Variants in MPDZ observed in about 807,000 individuals in gnomAD.
MPDZ encodes the protein multiple PDZ domain protein.
Under a neutral mutation model 239.1 loss-of-function variants are expected in MPDZ, and 234 were observed. That is an observed-to-expected ratio of 0.98 (90% CI 0.88 to 1.09). The LOEUF (loss-of-function observed/expected upper bound fraction) is 1.09, where lower values mean the gene tolerates loss of function less well. MPDZ is among the 50% of genes least tolerant of loss of function. MPDZ has a pLI of 0.00. For missense variants in MPDZ, 3,175 were observed against 2,510.0 expected, an observed-to-expected ratio of 1.26 and a Z score of -5.66; for synonymous variants, 1,048 against 881.3, an observed-to-expected ratio of 1.19 and a Z score of -3.35.
chr9:13,217,120 A>G, intron 9 of MPDZ, 60 bp downstream of exon 9: 2 of 1,135,204 alleles, frequency 1.8e-6, no homozygotes, highest in Non-Finnish European at 2.5e-6. Flanking sequence ...AATATTTTAT[A>G]AGAGATAGAT....
chr9:13,223,197 G>T (rs752712710), intron 5 of MPDZ, among the ~76,000 whole-genome samples: 1 of 151,648 alleles, frequency 6.6e-6, no homozygotes, highest in Non-Finnish European at 1.5e-5. Flanking sequence ...GGATACTGAG[G>T]GGCAACTATA....
chr9:13,109,165 G>C, intron 45 of MPDZ, 106 bp from the exon 46 acceptor site: 1 of 941,926 alleles, frequency 1.1e-6, no homozygotes. Flanking sequence ...AATTCTCTTT[G>C]TTACTGACAA....
At chr9:13,254,263 C>A (rs1170124635) in intron 1 of MPDZ, among the ~76,000 whole-genome samples, 1 of 152,126 alleles carries the variant, frequency 6.6e-6, no homozygotes, top group African/African-American at 2.4e-5. Flanking sequence ...GTCGGTCTAT[C>A]AAAGAAAGAT....
intron 23 of MPDZ, 125 bp from the exon 24 acceptor site, chr9:13,158,235 T>A: frequency 1.5e-6 from 1 of 675,838 alleles, no homozygotes; most frequent in Non-Finnish European, 2.5e-6. Flanking sequence ...TACATGGCCA[T>A]AAGTATAAAA....
chr9:13,246,152 C>T (rs189158837), intron 3 of MPDZ, among the ~76,000 whole-genome samples: 47 of 152,236 alleles, frequency 3.1e-4, no homozygotes, highest in African/African-American at 1.1e-3. Flanking sequence ...AAAACCAGTA[C>T]TGAAAATCAA....
intron 1 of MPDZ, among the ~76,000 whole-genome samples, chr9:13,259,813 C>G (rs1175074992): frequency 6.6e-6 from 1 of 152,072 alleles, no homozygotes; most frequent in Admixed American, 6.6e-5. Flanking sequence ...GTCCTCCATA[C>G]TACTCTTAAA....
At chr9:13,204,882 G>A (rs987734935) in intron 12 of MPDZ, among the ~76,000 whole-genome samples, 154 bp downstream of exon 12, 2 of 152,060 alleles carry the variant, frequency 1.3e-5, no homozygotes, top group Admixed American at 1.3e-4. Flanking sequence ...AGACCACTTA[G>A]TCACATTTAT....
intron 1 of MPDZ, among the ~76,000 whole-genome samples, chr9:13,268,934 T>C (rs1413008363): frequency 6.6e-6 from 1 of 152,036 alleles, no homozygotes; most frequent in Non-Finnish European, 1.5e-5. Context: ...TATTTTCTGA[T>C]AAAACAATTC....
chr9:13,271,143 T>C (rs916678658), intron 1 of MPDZ, among the ~76,000 whole-genome samples: 1 of 152,218 alleles, frequency 6.6e-6, no homozygotes, highest in African/African-American at 2.4e-5. Context: ...TTTAAATCTT[T>C]TTTACAATTA....
chr9:13,157,044 T>TC (rs1949914561), intron 24 of MPDZ, among the ~76,000 whole-genome samples: 1 of 151,916 alleles, frequency 6.6e-6, no homozygotes, highest in African/African-American at 2.4e-5. Context: ...AATAGTGTTT[T>TC]TTATATTTTA....
At chr9:13,257,946 C>T (rs940507047) in intron 1 of MPDZ, among the ~76,000 whole-genome samples, 1 of 152,092 alleles carries the variant, frequency 6.6e-6, no homozygotes, top group African/African-American at 2.4e-5. Flanking sequence ...TTAGAAATAA[C>T]AACATATAAA....
At chr9:13,244,932 AGAGG>A (rs1236620568) in intron 3 of MPDZ, among the ~76,000 whole-genome samples, 1 of 152,130 alleles carries the variant, frequency 6.6e-6, no homozygotes, top group Non-Finnish European at 1.5e-5. Context: ...AGACTGATGG[AGAGG>A]GAGAATCAGA....
chr9:13,111,461 G>C (rs76557419), intron 43 of MPDZ, among the ~76,000 whole-genome samples: 2 of 152,184 alleles, frequency 1.3e-5, no homozygotes, highest in Non-Finnish European at 2.9e-5. Context: ...TTGCTTTAGA[G>C]AGACTGAGTT....
intron 10 of MPDZ, among the ~76,000 whole-genome samples, chr9:13,209,732 C>T (rs1957395274): frequency 6.6e-6 from 1 of 151,794 alleles, no homozygotes; most frequent in Non-Finnish European, 1.5e-5. Context: ...GCAGGAATTA[C>T]AAAGAAGAAA....
At chr9:13,115,900 A>C (rs1943351519) in intron 39 of MPDZ, among the ~76,000 whole-genome samples, 1 of 145,604 alleles carries the variant, frequency 6.9e-6, no homozygotes, top group Non-Finnish European at 1.5e-5. Flanking sequence ...AGCCAAGATC[A>C]TGCCACTGCA....
At chr9:13,133,466 T>C (rs983948781) in intron 32 of MPDZ, among the ~76,000 whole-genome samples, 4 of 152,174 alleles carry the variant, frequency 2.6e-5, no homozygotes, top group African/African-American at 9.6e-5. Flanking sequence ...TGTTTCTTTA[T>C]TTTTATTTCC....
At chr9:13,273,212 T>C (rs1351082712) in intron 1 of MPDZ, among the ~76,000 whole-genome samples, 3 of 152,198 alleles carry the variant, frequency 2.0e-5, no homozygotes, top group Non-Finnish European at 4.4e-5. Context: ...GTGTTTGATA[T>C]TTTGTTATAG....
chr9:13,185,389 C>A lies in MPDZ; in HGVS notation c.2481+881G>T, dbSNP rs541168337. ...AGCAAGATGTGCGCAGTTATAAACA[C>A]ATAATGAAGAATTTAACAGGTTTTA... On this transcript the variant is annotated intron_variant, in intron 18 of 46. Transcript: ENST00000319217. Among the ~76,000 whole-genome samples the A allele has an allele frequency of 3.3e-5, 5 of 152,112 alleles. No individual in the cohort carries two copies. The East Asian group carries it at 9.7e-4, about 29-fold the overall frequency.
At chr9:13,133,768 A>T in intron 32 of MPDZ, 56 bp downstream of exon 32, 1 of 1,243,638 alleles carries the variant, frequency 8.0e-7, no homozygotes, top group Non-Finnish European at 1.2e-6. Context: ...ACAGTGAATT[A>T]GAACACTGAG....
Sources: gnomAD v4.1 joint callset for allele counts (sites outside exome capture counted in the v4.1 genomes callset) on GRCh38, gnomAD v4.1.1 for gene constraint, MANE v1.5 for transcripts, NCBI Gene and HGNC (gene_info 2026-07-23, HGNC 2026-07-21) for gene names.